The following NR1H3 variants were observed in gnomAD, a reference collection of about 807,000 sequenced individuals.
NR1H3 encodes oxysterols receptor LXR-alpha.
In NR1H3, 19 loss-of-function variants were observed where a neutral mutation model predicts 48.1. That is an observed-to-expected ratio of 0.40 (90% CI 0.28 to 0.58). The LOEUF (loss-of-function observed/expected upper bound fraction) is 0.58. Ranked by LOEUF, NR1H3 falls within the 20% of genes least tolerant of loss-of-function variation. NR1H3 has a pLI of 0.50. For missense variants in NR1H3, 486 were observed against 595.9 expected (o/e 0.82, Z 1.92); for synonymous variants, 232 against 227.3 (o/e 1.02, Z -0.19).
At chr11:47,259,591 T>C in intron 2 of NR1H3, 200 bp from the exon 3 acceptor site, 4 of 1,453,308 alleles carry the variant, frequency 2.8e-6, no homozygotes, top group African/African-American at 1.4e-5. Flanking sequence ...AACATCTTCA[T>C]TTAAGGTCCT....
At chr11:47,248,344 G>T, upstream of NR1H3, 2 of 1,233,554 alleles carry the variant, frequency 1.6e-6, no homozygotes, top group Non-Finnish European at 2.2e-6. Flanking sequence ...CATAGGCAAA[G>T]CCAAGGTACA....
intron 7 of NR1H3, among the ~76,000 whole-genome samples, chr11:47,263,383 G>T (rs1161778553): frequency 2.0e-5 from 3 of 151,328 alleles, no homozygotes; most frequent in Non-Finnish European, 2.9e-5. Flanking sequence ...TCCTGCCTCA[G>T]CCCCCAAGTA....
Position 47,251,953 on chromosome 11 carries a change from C to T in NR1H3, c.-93+2954C>T, listed in dbSNP as rs183161563. On this transcript the variant is annotated intron_variant, in intron 1 of 8. Coordinates refer to the NR1H3 transcript ENST00000395397. ...ATTACAGCGCAAGTAGATAGTAGAG[C>T]CTGAAGCTGAGCCCTAGTTTCTTCA... 4.1e-4 allele frequency among the ~76,000 whole-genome samples: 62 copies of T among 152,062 alleles called. 1 individual carries two copies. Among genetic ancestry groups the T allele is most frequent in the African/African-American group, 1.4e-3 (58 of 41,460 alleles).
upstream of NR1H3, among the ~76,000 whole-genome samples, chr11:47,255,036 C>A (rs1485824918): frequency 6.6e-6 from 1 of 152,214 alleles, no homozygotes; most frequent in East Asian, 1.9e-4. Context: ...GGGAATGGGG[C>A]AGGGGGTGAA....
rs1024133367 is a variant in NR1H3 at position 47,268,320 on chromosome 11, G to A, written c.1162G>A (p.Ala388Thr). The A allele has an allele frequency of 3.5e-5, 57 of 1,613,998 alleles. No individual in the cohort carries two copies. The highest frequency in any genetic ancestry group is 4.8e-5 in the Non-Finnish European group (57 of 1,180,020). ...GAGGCTGCAGCACACATATGTGGAAGCCCTGCATGCCTACGTCTCCATCCA... is the reference window on the plus strand; with the variant it reads ...GAGGCTGCAGCACACATATGTGGAAACCCTGCATGCCTACGTCTCCATCCA... ...VERLQHTYVE[A>T]LHAYVSIHHP... The change falls in exon 9 of 10, where the codon GCC (alanine) becomes ACC (threonine). Residue 388 changes from alanine to threonine, a missense_variant. Transcript: ENST00000441012.
chr11:47,253,144 T>TGTGTGTGTGTGTGTGTGTGTGTG (rs1554980530), upstream of NR1H3, among the ~76,000 whole-genome samples: 1 of 151,500 alleles, frequency 6.6e-6, no homozygotes, highest in African/African-American at 2.4e-5. Flanking sequence ...CGTGTGTGTG[T>TGTGTGTGTGTGTGTGTGTGTGTG]TTTCTGTAAA....
intron 8 of NR1H3, 97 bp downstream of exon 8, chr11:47,268,123 G>A (rs1957092711): frequency 8.7e-7 from 1 of 1,152,470 alleles, no homozygotes; most frequent in Admixed American, 1.9e-5. Context: ...TGGTGGCTTG[G>A]GAGGGTGGAG....
At chr11:47,256,951 C>T (rs11039154), upstream of NR1H3, among the ~76,000 whole-genome samples, 28,355 of 151,948 alleles carry the variant, frequency 0.19, 3,507 homozygotes, top group Non-Finnish European at 0.28. Context: ...AGGATGGTCT[C>T]GATCTCCTGA....
intron 6 of NR1H3, 53 bp from the exon 7 acceptor site, chr11:47,261,866 G>A: frequency 6.3e-7 from 1 of 1,596,244 alleles, no homozygotes; most frequent in Non-Finnish European, 8.6e-7. Context: ...AAGAGGCCAT[G>A]CTCCAAGACC....
Position 47,249,883 on chromosome 11 carries a change from G to A in NR1H3, c.-93+884G>A, listed in dbSNP as rs1026691808. Among the ~76,000 whole-genome samples, 8 of 152,194 alleles carry A rather than the reference G, an allele frequency of 5.3e-5. No homozygotes were observed. The South Asian group carries it at 1.5e-3, about 28-fold the overall frequency. ...GAAGCAGGCAGATCACCTGAGGTCA[G>A]GAGTTCGAGACCAGCCTGGCCAACG... On this transcript the variant is annotated intron_variant, in intron 1 of 8. Transcript: ENST00000395397.
rs1386061787 is a variant in NR1H3 at position 47,259,699 on chromosome 11, G to A, written c.44-92G>A. Reference sequence around the variant, plus strand: ...TGGGACTTTGCTGCCCTCTAAGGGTGGGGATAAGTTTGCAGTTTCCCAGCT... The same window carrying A: ...TGGGACTTTGCTGCCCTCTAAGGGTAGGGATAAGTTTGCAGTTTCCCAGCT... On this transcript the variant is annotated intron_variant, in intron 2 of 9. Coordinates refer to ENST00000441012, the MANE Select transcript of NR1H3 (RefSeq NM_005693.4). The A allele has an allele frequency of 1.5e-5, 24 of 1,587,968 alleles. No individual in the cohort carries two copies. In the Admixed American group the frequency reaches 2.4e-4, roughly 16 times the overall value.
exon 1 of NR1H3, chr11:47,248,923 G>A: frequency 6.5e-7 from 1 of 1,537,706 alleles, no homozygotes; most frequent in African/African-American, 1.4e-5. Context: ...CTGCTGGGGT[G>A]CGGGGAAAAG....
At position 47,268,633 on chromosome 11, in the gene NR1H3, A is replaced by G. The variant is rs142082651; in HGVS notation, c.1281A>G (p.Ala427=). The G allele has an allele frequency of 4.6e-5, 75 of 1,614,052 alleles. No homozygotes were observed. The highest frequency in any genetic ancestry group is 1.6e-4 in the Middle Eastern group (1 of 6,080). Residue 427 remains alanine (A), a synonymous_variant, in exon 10 of 10, where the codon GCA becomes GCG. Transcript: ENST00000441012. ...GCGTCCACTCAGAGCAAGTGTTTGC[A>G]CTGCGTCTGCAGGACAAAAAGCTCC... ...LSSVHSEQVF[A]LRLQDKKLPP... is the part of the protein sequence containing the mutation.
At chr11:47,254,057 G>A (rs964462622), upstream of NR1H3, among the ~76,000 whole-genome samples, 6 of 152,192 alleles carry the variant, frequency 3.9e-5, no homozygotes, top group Non-Finnish European at 8.8e-5. Context: ...TAGGGATGAG[G>A]GTTGGGGTTT....
At chr11:47,267,706 G>A (rs1293538429) in intron 7 of NR1H3, among the ~76,000 whole-genome samples, 2 of 151,976 alleles carry the variant, frequency 1.3e-5, no homozygotes, top group Non-Finnish European at 2.9e-5. Flanking sequence ...ACGGGGTTTC[G>A]CCATGTTGGC....
chr11:47,262,526 T>TG (rs1425269201), intron 7 of NR1H3, among the ~76,000 whole-genome samples: 1 of 149,992 alleles, frequency 6.7e-6, no homozygotes, highest in Non-Finnish European at 1.5e-5. Flanking sequence ...TTGTTTCATT[T>TG]TTTTTTTTAG....
chr11:47,262,515 T>G (rs574231317), intron 7 of NR1H3, among the ~76,000 whole-genome samples: 32 of 146,670 alleles, frequency 2.2e-4, no homozygotes, highest in Non-Finnish European at 3.8e-4. Context: ...GTACTTTTTT[T>G]TTGTTTCATT....
intron 1 of NR1H3, among the ~76,000 whole-genome samples, chr11:47,250,843 T>C (rs932452304): frequency 1.3e-5 from 2 of 152,238 alleles, no homozygotes; most frequent in African/African-American, 4.8e-5. Context: ...AGTTTGGGCA[T>C]GGGCACAGTT....
At chr11:47,251,481 G>A (rs936833753) in intron 1 of NR1H3, among the ~76,000 whole-genome samples, 6 of 151,930 alleles carry the variant, frequency 3.9e-5, no homozygotes, top group Non-Finnish European at 8.8e-5. Context: ...TCGTGGTGGC[G>A]TGTGCCTGTA....
Sources: allele counts gnomAD v4.1 joint callset (sites outside exome capture counted in the v4.1 genomes callset), GRCh38; gene constraint gnomAD v4.1.1; transcripts MANE v1.5; gene names NCBI Gene and HGNC (gene_info 2026-07-23, HGNC 2026-07-21).